RS1: variants seen among roughly 807,000 people sequenced by gnomAD.
RS1 encodes retinoschisin.
Under a neutral mutation model 20.8 loss-of-function variants are expected in RS1, and 2 were observed. The observed-to-expected ratio is 0.10, with a 90% CI of 0.04 to 0.30. The LOEUF (loss-of-function observed/expected upper bound fraction) is 0.30, where lower values mean the gene tolerates loss of function less well. Ranked by LOEUF, RS1 falls within the 10% of genes least tolerant of loss-of-function variation. RS1 has a pLI of 1.00. For missense variants in RS1, 151 were observed against 189.8 expected (o/e 0.80, Z 1.20); for synonymous variants, 70 against 75.8 (o/e 0.92, Z 0.40).
rs1801161 is a variant in RS1, at chrX:18,644,622, A to G, written c.330T>C (p.Cys110=). Residue 110 remains cysteine (C), a synonymous_variant, in exon 5 of 6, where the codon TGT becomes TGC. Transcript: ENST00000379984. Reference sequence around the variant, plus strand: ...TGTCCTGGAACTTGGAGAGCCAGGCACACCTGCCGAGAACATACCGAGTCA... The same window carrying G: ...TGTCCTGGAACTTGGAGAGCCAGGCGCACCTGCCGAGAACATACCGAGTCA... ...KARLNSQGFG[C]AWLSKFQDSS... 0.017 allele frequency: 20,134 copies of G among 1,207,705 alleles called. 1,103 individuals carry two copies. In the African/African-American group the frequency reaches 0.22, roughly 13 times the overall value.
chrX:18,652,390 T>C (rs1020206592), intron 3 of RS1, among the ~76,000 whole-genome samples: 1 of 112,283 alleles, frequency 8.9e-6, no homozygotes, highest in African/African-American at 3.2e-5. Flanking sequence ...GATCCAAGGC[T>C]GGGTGCAGTG....
chrX:18,644,588 A>C lies in RS1; in HGVS notation c.364T>G (p.Trp122Gly). 1 of 1,211,471 alleles carries C rather than the reference A, an allele frequency of 8.3e-7. No individual in the cohort carries two copies. Among genetic ancestry groups the C allele is most frequent in the Non-Finnish European group, 1.1e-6 (1 of 895,380 alleles). ...ATCTCCTTCAGATCTATCTGTAACC[A>C]CTGGCTACTGTCCTGGAACTTGGAG... ...WLSKFQDSSQWLQIDLKEIKV... is the reference protein window; with the variant it reads ...WLSKFQDSSQGLQIDLKEIKV... The change falls in exon 5 of 6, where the codon TGG (tryptophan) becomes GGG (glycine). Residue 122 changes from tryptophan (W) to glycine (G), a missense_variant. Coordinates refer to ENST00000379984, the MANE Select transcript of RS1 (RefSeq NM_000330.4).
chrX:18,663,751 T>C (rs1236425041), intron 1 of RS1, among the ~76,000 whole-genome samples: 2 of 111,696 alleles, frequency 1.8e-5, no homozygotes, highest in African/African-American at 6.5e-5. Context: ...CTTCCACCAC[T>C]CTAGGTACAC....
Position 18,641,735 on chromosome X carries a change from C to G in RS1, c.*269G>C, listed in dbSNP as rs1927581270. 1 of 371,544 alleles carries G rather than the reference C, an allele frequency of 2.7e-6. No homozygotes were observed. Among genetic ancestry groups the G allele is most frequent in the African/African-American group, 2.5e-5 (1 of 39,682 alleles). The allele number at this position is 371,544 out of a possible 1,213,427, so 30.6% of individuals were successfully genotyped here. A position where few individuals can be genotyped will look rare whatever the true frequency, so the allele number is the denominator to read the frequency against. Reference sequence around the variant, plus strand: ...GACAAAAAATGAGCAGAAAATTACCCCTGCTACTTAGGCTTTTGTAAGAAA... The same window carrying G: ...GACAAAAAATGAGCAGAAAATTACCGCTGCTACTTAGGCTTTTGTAAGAAA... On this transcript the variant is annotated 3_prime_UTR_variant, in exon 6 of 6. Coordinates refer to ENST00000379984, the MANE Select transcript of RS1 (RefSeq NM_000330.4).
intron 3 of RS1, among the ~76,000 whole-genome samples, chrX:18,648,047 G>A (rs915500978): frequency 1.8e-5 from 2 of 110,763 alleles, no homozygotes; most frequent in East Asian, 2.9e-4. Flanking sequence ...CAGTAAAAAC[G>A]GTGTTGAGGC....
chrX:18,644,691 G>T, intron 4 of RS1, 66 bp from the exon 5 acceptor site: 1 of 1,104,993 alleles, frequency 9.0e-7, no homozygotes, highest in Admixed American at 2.2e-5. Context: ...GCCCGCAGGT[G>T]CTGGCTCTCG....
chrX:18,656,049 G>A lies in RS1; in HGVS notation c.184+604C>T, dbSNP rs761150116. Among the ~76,000 whole-genome samples the A allele has an allele frequency of 6.5e-3, 570 of 87,773 alleles. 11 individuals are homozygous for A. Among genetic ancestry groups the A allele is most frequent in the African/African-American group, 0.024 (534 of 22,265 alleles). The allele number at this position is 87,773 out of a possible 115,157, so 76.2% of individuals were successfully genotyped here. On this transcript the variant is annotated intron_variant, in intron 3 of 5. Transcript: ENST00000379984. ...GCTCTGTCACCCAGGCCAGAGTGCA[G>A]TGGTACGATCACTGCTTGCTGCAAC...
intron 1 of RS1, 33 bp downstream of exon 1, chrX:18,671,984 T>G (rs370246632): frequency 5.2e-5 from 58 of 1,112,311 alleles, no homozygotes; most frequent in Non-Finnish European, 7.2e-5. Flanking sequence ...GTATTAAGTA[T>G]GCAATGAATG....
intron 3 of RS1, chrX:18,653,747 T>G (rs1490904627): frequency 2.1e-6 from 1 of 471,147 alleles, no homozygotes; most frequent in African/African-American, 2.4e-5. Context: ...GCAGGTGCAT[T>G]GCCTGAGCTC....
chrX:18,665,463 G>A lies in RS1; in HGVS notation c.52+6554C>T, dbSNP rs777858864. ...TTATGTTTCTCACTCTGTACTGCTCGCCAAGCCACAAATGTGCCAGACTGT... is the reference window on the plus strand; with the variant it reads ...TTATGTTTCTCACTCTGTACTGCTCACCAAGCCACAAATGTGCCAGACTGT... On this transcript the variant is annotated intron_variant, in intron 1 of 5. Coordinates refer to ENST00000379984, the MANE Select transcript of RS1 (RefSeq NM_000330.4). Among the ~76,000 whole-genome samples, 554 of 111,255 alleles carry A rather than the reference G, an allele frequency of 5.0e-3. 5 individuals carry two copies. Among genetic ancestry groups the A allele is most frequent in the African/African-American group, 0.016 (499 of 30,635 alleles).
At position 18,656,644 on chromosome X, in the gene RS1, G is replaced by A. The variant is rs377631416; in HGVS notation, c.184+9C>T. On this transcript the variant is annotated intron_variant, in intron 3 of 5. Transcript: ENST00000379984. ...TGACTGTTCCATCCCAAGGACAGGG[G>A]ATACTCACCTGGTATACAGTCCAAG... 19 of 1,171,613 alleles carry A rather than the reference G, an allele frequency of 1.6e-5. No homozygotes were observed. The African/African-American group carries it at 3.0e-4, about 19-fold the overall frequency.
At chrX:18,643,322 G>C (rs889910464) in intron 5 of RS1, among the ~76,000 whole-genome samples, 2 of 111,307 alleles carry the variant, frequency 1.8e-5, no homozygotes, top group African/African-American at 6.5e-5. Context: ...CACAAAACGG[G>C]AAGGGCCTGG....
At chrX:18,650,705 T>C (rs1381863100) in intron 3 of RS1, 23 of 887,956 alleles carry the variant, frequency 2.6e-5, no homozygotes, top group African/African-American at 3.9e-5. Flanking sequence ...TCTGACATCA[T>C]TGGCCTGGGC....
In RS1 at chrX:18,640,392, A is replaced by G. The variant is rs1927522018; in HGVS notation, c.*1612T>C. On this transcript the variant is annotated 3_prime_UTR_variant, in exon 6 of 6. Transcript: ENST00000379984. Reference sequence around the variant, plus strand: ...CTCTGTTCAGGCATTTCTATCCAAAATAGATTTGTCCTGTGTCCTAAGGCC... The same window carrying G: ...CTCTGTTCAGGCATTTCTATCCAAAGTAGATTTGTCCTGTGTCCTAAGGCC... 1.9e-5 allele frequency: 2 copies of G among 106,985 alleles called. No homozygotes were observed. Among genetic ancestry groups the G allele is most frequent in the South Asian group, 8.8e-4 (2 of 2,284 alleles). 8.8% of individuals were successfully genotyped at this position (106,985 alleles called of 1,213,427 possible).
Position 18,656,752 on chromosome X carries a change from C to G in RS1, c.85G>C (p.Gly29Arg). The G allele has an allele frequency of 8.3e-7, 1 of 1,208,083 alleles. No individual in the cohort carries two copies. Among genetic ancestry groups the G allele is most frequent in the Non-Finnish European group, 1.1e-6 (1 of 892,190 alleles). The change falls in exon 3 of 6, where the codon GGC (glycine) becomes CGC (arginine). Residue 29 changes from glycine (G) to arginine (R), a missense_variant. Gly to Arg is a moderately radical substitution (Grantham distance 125, BLOSUM62 -2). Transcript: ENST00000379984. ...GCTTTTTGGTACCAGGGGTCCTCGCCTTCATCCTGCAGCCAACCAGAGAGG... is the reference window on the plus strand; with the variant it reads ...GCTTTTTGGTACCAGGGGTCCTCGCGTTCATCCTGCAGCCAACCAGAGAGG... ...TLGLSSTEDEGEDPWYQKACK... is the reference protein window; with the variant it reads ...TLGLSSTEDEREDPWYQKACK...
chrX:18,670,374 C>G (rs1470061171), intron 1 of RS1, among the ~76,000 whole-genome samples: 2 of 109,854 alleles, frequency 1.8e-5, no homozygotes, highest in East Asian at 5.7e-4. Flanking sequence ...ATTAGAGGCA[C>G]CTGCCATCAT....
intron 1 of RS1, among the ~76,000 whole-genome samples, chrX:18,659,369 G>A (rs1928274037): frequency 9.0e-6 from 1 of 111,017 alleles, no homozygotes; most frequent in African/African-American, 3.3e-5. Context: ...AGCCACCTGG[G>A]AGGCTGAGGC....
At chrX:18,654,081 G>A (rs1256686976) in intron 3 of RS1, among the ~76,000 whole-genome samples, 1 of 111,142 alleles carries the variant, frequency 9.0e-6, no homozygotes, top group East Asian at 2.8e-4. Flanking sequence ...TGACAGCTGT[G>A]TAGGGGAGAC....
chrX:18,669,487 C>CAAAAAAAAAAAAAAAAAAAAAA (rs386416704), intron 1 of RS1, among the ~76,000 whole-genome samples: 3 of 58,890 alleles, frequency 5.1e-5, no homozygotes, highest in African/African-American at 7.3e-5. Flanking sequence ...GTGAAATTCT[C>CAAAAAAAAAAAAAAAAAAAAAA]AAAAAAAAAA....
Sources: allele counts gnomAD v4.1 joint callset (sites outside exome capture counted in the v4.1 genomes callset), GRCh38; gene constraint gnomAD v4.1.1; transcripts MANE v1.5; gene names NCBI Gene and HGNC (gene_info 2026-07-23, HGNC 2026-07-21).